The following ZBTB40 variants were observed in gnomAD, a reference collection of about 807,000 sequenced individuals.
ZBTB40 encodes the protein zinc finger and BTB domain-containing protein 40.
In ZBTB40, 60 loss-of-function variants were observed where a neutral mutation model predicts 117.5. The observed-to-expected ratio is 0.51, with a 90% CI of 0.41 to 0.63. ZBTB40 has a LOEUF of 0.63. ZBTB40 is among the 30% of genes least tolerant of loss of function. ZBTB40 has a pLI of 0.00. For synonymous variants in ZBTB40, 525 were observed against 577.1 expected (o/e 0.91, Z 1.29); for missense variants, 1,287 against 1,498.5 (o/e 0.86, Z 2.33).
intron 1 of ZBTB40, among the ~76,000 whole-genome samples, chr1:22,476,036 C>T (rs1478769967): frequency 1.3e-5 from 2 of 152,160 alleles, no homozygotes; most frequent in Non-Finnish European, 2.9e-5. Flanking sequence ...AGGGAACTTG[C>T]CAGCAATTGC....
In ZBTB40 at chr1:22,491,076, T is replaced by C. The variant is rs898757500; in HGVS notation, c.698-324T>C. On this transcript the variant is annotated intron_variant, in intron 2 of 17. Transcript: ENST00000375647. ...ACGCCCAGCTAATTTTTTGTATTTT[T>C]AGTGGAGATGGGATTTCACCATGTT... 5.3e-5 allele frequency among the ~76,000 whole-genome samples: 8 copies of C among 152,190 alleles called. No homozygotes were observed. In the East Asian group the frequency reaches 1.4e-3, roughly 26 times the overall value.
At chr1:22,433,776 C>T (rs1640634142) in intron 1 of ZBTB40, among the ~76,000 whole-genome samples, 4 of 151,530 alleles carry the variant, frequency 2.6e-5, no homozygotes, top group Admixed American at 2.6e-4. Flanking sequence ...GCCTGGGTGA[C>T]AGAGTGAGAC....
In ZBTB40 at chr1:22,511,314, C is replaced by A; in HGVS notation, c.1969C>A (p.Leu657Met). Residue 657 changes from leucine (L) to methionine (M), a missense_variant, in exon 10 of 18, where the codon CTG becomes ATG. By Grantham distance (15) the Leu-to-Met change is conservative (BLOSUM62 2). This residue lies in a region of ZBTB40 where 870 missense variants were observed against 934.4 expected (regional missense o/e 0.93). Transcript: ENST00000375647. The stretch of plus-strand genomic sequence containing the variant: ...CAGTGTCCACAAATCTTTTCCAGGC[C>A]TGCAGCCTGTCATGCAGGAGTTGGC... ...LCSVHKSFPG[L>M]QPVMQELAYI... The A allele has an allele frequency of 6.2e-7, 1 of 1,614,094 alleles. No homozygotes were observed. Among genetic ancestry groups the A allele is most frequent in the Non-Finnish European group, 8.5e-7 (1 of 1,180,032 alleles).
Position 22,433,312 on chromosome 1 carries a change from A to G in ZBTB40, c.-70+4298A>G, listed in dbSNP as rs538289115. On this transcript the variant is annotated intron_variant, in intron 1 of 8. Coordinates refer to the ZBTB40 transcript ENST00000650433. ...GCTAGGTGTGGTGGCGGGCGCCTGT[A>G]GTCCCAGCTACTCGGGAGGCTGAGG... is the stretch of plus-strand genomic sequence containing the variant. 3.3e-5 allele frequency among the ~76,000 whole-genome samples: 5 copies of G among 151,302 alleles called. No individual in the cohort carries two copies. The South Asian group carries it at 1.0e-3, about 32-fold the overall frequency.
chr1:22,489,300 C>T (rs797016153), intron 1 of ZBTB40, among the ~76,000 whole-genome samples: 41 of 152,216 alleles, frequency 2.7e-4, no homozygotes, highest in African/African-American at 8.9e-4. Context: ...TTAAAGGCTG[C>T]GCTGATGCAG....
intron 5 of ZBTB40, among the ~76,000 whole-genome samples, chr1:22,503,159 C>T (rs1638988798): frequency 6.7e-6 from 1 of 150,134 alleles, no homozygotes; most frequent in Non-Finnish European, 1.5e-5. Context: ...AACATTCTTG[C>T]ACATAAATCT....
At chr1:22,491,646 A>ATT (rs75197070) in intron 3 of ZBTB40, 113 bp downstream of exon 3, 6,252 of 956,818 alleles carry the variant, frequency 6.5e-3, no homozygotes, top group Non-Finnish European at 7.4e-3. Flanking sequence ...TGAAACTTTA[A>ATT]TTTTTTTTTT....
chr1:22,489,810 A>G, intron 1 of ZBTB40, 70 bp from the exon 2 acceptor site: 1 of 781,574 alleles, frequency 1.3e-6, no homozygotes, highest in Non-Finnish European at 2.2e-6. Flanking sequence ...CTGTTCATTT[A>G]GCGTTTCATT....
rs752410580 is a variant in ZBTB40, at chr1:22,524,459, A to T, written c.3525+15A>T. ...AGATGGCGCAGGTGATTCTGGGGCC[A>T]TCAGCTACATTAGAATGCTAATGCA... On this transcript the variant is annotated intron_variant, in intron 17 of 17. Transcript: ENST00000375647. 1.2e-6 allele frequency: 2 copies of T among 1,611,212 alleles called. No homozygotes were observed. The highest frequency in any genetic ancestry group is 1.3e-5 in the African/African-American group (1 of 75,062).
At chr1:22,491,595 CTT>C in intron 3 of ZBTB40, 62 bp downstream of exon 3, 1 of 1,561,514 alleles carries the variant, frequency 6.4e-7, no homozygotes, top group African/African-American at 1.4e-5. Flanking sequence ...ACCTTACTAA[CTT>C]TTTATATGGG....
intron 5 of ZBTB40, 102 bp downstream of exon 5, chr1:22,502,543 C>T (rs1638966965): frequency 4.9e-6 from 7 of 1,438,700 alleles, no homozygotes; most frequent in South Asian, 2.3e-5. Flanking sequence ...TATTTTAATA[C>T]ATACTGCATA....
chr1:22,477,636 G>A (rs1641582638), intron 1 of ZBTB40, among the ~76,000 whole-genome samples: 1 of 148,214 alleles, frequency 6.7e-6, no homozygotes, highest in African/African-American at 2.5e-5. Context: ...TCATCAGAGC[G>A]AGACTCTGTC....
intron 1 of ZBTB40, among the ~76,000 whole-genome samples, chr1:22,441,339 T>C (rs1340613692): frequency 6.6e-6 from 1 of 152,124 alleles, no homozygotes; most frequent in Non-Finnish European, 1.5e-5. Flanking sequence ...GAGTCTCCTC[T>C]TTTATTCTTA....
intron 3 of ZBTB40, among the ~76,000 whole-genome samples, chr1:22,493,060 A>AT (rs567128863): frequency 5.9e-5 from 9 of 152,054 alleles, no homozygotes; most frequent in African/African-American, 9.6e-5. Context: ...TGTCTTATGC[A>AT]TTTTTTTTAA....
chr1:22,436,493 CAA>C (rs1640672645), intron 1 of ZBTB40, among the ~76,000 whole-genome samples: 5 of 151,898 alleles, frequency 3.3e-5, no homozygotes, highest in Non-Finnish European at 7.4e-5. Context: ...GCATGGGCAA[CAA>C]GAGTGAAACT....
At position 22,509,196 on chromosome 1, in the gene ZBTB40, C is replaced by G. The variant is rs756281839; in HGVS notation, c.1796C>G (p.Thr599Ser). 3 of 1,614,108 alleles carry G rather than the reference C, an allele frequency of 1.9e-6. No individual in the cohort carries two copies. Among genetic ancestry groups the G allele is most frequent in the Non-Finnish European group, 2.5e-6 (3 of 1,180,024 alleles). ...CAGAAGATTGAGTACAAGCTCTTTACCTCGGAGGAGGAGCACCTGGCAGAG... is the reference window on the plus strand; with the variant it reads ...CAGAAGATTGAGTACAAGCTCTTTAGCTCGGAGGAGGAGCACCTGGCAGAG... ...IQQKIEYKLF[T>S]SEEEHLAETV... Residue 599 changes from threonine to serine, a missense_variant, in exon 9 of 18, where the codon ACC becomes AGC. By Grantham distance (58) the Thr-to-Ser change is moderately conservative (BLOSUM62 1). Coordinates refer to ENST00000375647, the MANE Select transcript of ZBTB40 (RefSeq NM_014870.4).
chr1:22,520,039 C>T (rs777034462), intron 13 of ZBTB40, 22 bp from the exon 14 acceptor site: 1 of 1,611,002 alleles, frequency 6.2e-7, no homozygotes, highest in Non-Finnish European at 8.5e-7. Flanking sequence ...CTCTTCCTCT[C>T]ATGGATGTCC....
chr1:22,436,112 TG>T, intron 1 of ZBTB40, among the ~76,000 whole-genome samples: 1 of 152,300 alleles, frequency 6.6e-6, no homozygotes, highest in Non-Finnish European at 1.5e-5. Context: ...CTTATAAAGG[TG>T]CATAAACACC....
chr1:22,474,386 C>CA (rs1340957834), intron 1 of ZBTB40, among the ~76,000 whole-genome samples: 1 of 152,182 alleles, frequency 6.6e-6, no homozygotes, highest in East Asian at 1.9e-4. Context: ...GCCCTCGGTA[C>CA]AAGAGAACAG....
Sources: allele counts gnomAD v4.1 joint callset (sites outside exome capture counted in the v4.1 genomes callset), GRCh38; gene constraint gnomAD v4.1.1; regional missense constraint gnomAD v4.1.1; transcripts MANE v1.5; gene names NCBI Gene and HGNC (gene_info 2026-07-23, HGNC 2026-07-21).